The following NAV1 variants were observed in gnomAD, a reference collection of about 807,000 sequenced individuals.
The protein encoded by NAV1 is neuron navigator 1, also known as pore membrane and/or filament interacting like protein 3.
NAV1 carries 18 observed loss-of-function variants against 175.2 expected under a neutral mutation model. That is an observed-to-expected ratio of 0.10 (90% CI 0.07 to 0.15). The LOEUF is 0.15. Ranked by LOEUF, NAV1 falls within the 10% of genes least tolerant of loss-of-function variation. The probability of loss-of-function intolerance (pLI) is 1.00; values close to 1 mark genes in which losing one functional copy is unlikely to be tolerated. For synonymous variants in NAV1, 897 were observed against 978.7 expected (o/e 0.92, Z 1.56); for missense variants, 1,731 against 2,436.6 (o/e 0.71, Z 6.10).
intron 2 of NAV1, among the ~76,000 whole-genome samples, chr1:201,609,148 G>A (rs1044500480): frequency 3.3e-5 from 5 of 152,202 alleles, no homozygotes; most frequent in Non-Finnish European, 7.3e-5. Flanking sequence ...TGTGACTGCT[G>A]GGCCTGCTGC....
At chr1:201,688,828 A>G (rs1670784637) in intron 1 of NAV1, among the ~76,000 whole-genome samples, 1 of 152,226 alleles carries the variant, frequency 6.6e-6, no homozygotes, top group Non-Finnish European at 1.5e-5. Flanking sequence ...ATATGATAGA[A>G]TGAAATTGGC....
At chr1:201,714,282 C>T (rs994054366) in intron 2 of NAV1, among the ~76,000 whole-genome samples, 1 of 152,244 alleles carries the variant, frequency 6.6e-6, no homozygotes, top group Non-Finnish European at 1.5e-5. Flanking sequence ...TGCACTTAGT[C>T]TTAAGTAGCT....
At chr1:201,696,198 G>A (rs1671183170) in intron 1 of NAV1, among the ~76,000 whole-genome samples, 2 of 152,056 alleles carry the variant, frequency 1.3e-5, no homozygotes, top group Admixed American at 1.3e-4. Context: ...GTTGGGAGAG[G>A]ATGGGAGCAG....
intron 15 of NAV1, among the ~76,000 whole-genome samples, chr1:201,799,468 A>G (rs1273744727): frequency 6.6e-6 from 1 of 152,220 alleles, no homozygotes; most frequent in African/African-American, 2.4e-5. Flanking sequence ...ATTTATAAAT[A>G]GATAATAAAT....
At chr1:201,811,431 C>T (rs890463273) in intron 24 of NAV1, among the ~76,000 whole-genome samples, 172 bp from the exon 29 acceptor site, 1 of 152,072 alleles carries the variant, frequency 6.6e-6, no homozygotes, top group Non-Finnish European at 1.5e-5. Context: ...TGCTTTAGAG[C>T]CTTTGCAACC....
At chr1:201,767,626 C>T (rs1301077283) in intron 3 of NAV1, among the ~76,000 whole-genome samples, 2 of 152,130 alleles carry the variant, frequency 1.3e-5, no homozygotes, top group Non-Finnish European at 2.9e-5. Flanking sequence ...CTCCACATCT[C>T]AATTGGGACT....
At chr1:201,559,590 T>G (rs1390473471) in intron 1 of NAV1, among the ~76,000 whole-genome samples, 1 of 151,682 alleles carries the variant, frequency 6.6e-6, no homozygotes, top group Non-Finnish European at 1.5e-5. Flanking sequence ...GAAGCTGGAG[T>G]GTGAGGAAAG....
chr1:201,793,756 A>C, intron 13 of NAV1, 36 bp from the exon 18 acceptor site: 1 of 1,592,362 alleles, frequency 6.3e-7, no homozygotes, highest in East Asian at 2.2e-5. Flanking sequence ...CCCCAGCCTT[A>C]TGCAACTTAG....
intron 2 of NAV1, among the ~76,000 whole-genome samples, chr1:201,594,589 G>A (rs1220046162): frequency 1.3e-5 from 2 of 152,240 alleles, no homozygotes; most frequent in African/African-American, 4.8e-5. Flanking sequence ...TACTCTAAAA[G>A]GATGGGGAGA....
At chr1:201,758,604 A>G (rs1160143976) in intron 3 of NAV1, among the ~76,000 whole-genome samples, 1 of 152,208 alleles carries the variant, frequency 6.6e-6, no homozygotes, top group East Asian at 1.9e-4. Context: ...GACGGAGCAG[A>G]CACAAATTAA....
chr1:201,819,753 G>C, intron 29 of NAV1, 84 bp from the exon 34 acceptor site: 1 of 1,248,050 alleles, frequency 8.0e-7, no homozygotes, highest in Non-Finnish European at 1.2e-6. Flanking sequence ...CCAAAGTGTT[G>C]GGATTTTGTT....
chr1:201,684,296 A>G (rs1196895106), intron 1 of NAV1, among the ~76,000 whole-genome samples: 2 of 152,072 alleles, frequency 1.3e-5, no homozygotes, highest in East Asian at 3.9e-4. Context: ...TGGTGCATAG[A>G]CCTAGGAATA....
chr1:201,765,255 C>T (rs1352318629), intron 3 of NAV1, among the ~76,000 whole-genome samples: 4 of 151,960 alleles, frequency 2.6e-5, no homozygotes, highest in Admixed American at 2.0e-4. Flanking sequence ...GTCACTATAA[C>T]TGAGTGACTT....
chr1:201,812,342 T>C lies in NAV1; in HGVS notation c.5025-123T>C. ...GAGTTCCGATGTCCCCACTATTACT[T>C]GAAAAGAAACCAAGTAGGCATTAGT... On this transcript the variant is annotated intron_variant, in intron 26 of 29. Transcript: ENST00000367296. The surrounding 1 kb of genome is among the most constrained non-coding windows in gnomAD (Gnocchi z 4.6). The C allele has an allele frequency of 1.0e-6, 1 of 989,844 alleles. No homozygotes were observed. The highest frequency in any genetic ancestry group is 1.5e-6 in the Non-Finnish European group (1 of 664,536). 61.3% of individuals were successfully genotyped at this position (989,844 alleles called of 1,614,324 possible). A position where few individuals can be genotyped will look rare whatever the true frequency, so the allele number is the denominator to read the frequency against.
rs1183997625 is a variant in NAV1 at position 201,780,278 on chromosome 1, C to T, written c.1227-143C>T. On this transcript the variant is annotated intron_variant, in intron 3 of 29. Coordinates refer to ENST00000367296, the Ensembl canonical transcript of NAV1. ...TTTAAGTCACACTTTGAGTTGCTGA[C>T]AAACCTAGGACAAACCCCCAGGTTT... is the stretch of plus-strand genomic sequence containing the variant. The T allele has an allele frequency of 1.3e-5, 11 of 828,906 alleles. No homozygotes were observed. In the East Asian group the frequency reaches 2.4e-4, roughly 18 times the overall value. 51.3% of individuals were successfully genotyped at this position (828,906 alleles called of 1,614,324 possible).
At position 201,808,896 on chromosome 1, in the gene NAV1, T is replaced by C. The variant is rs773590645; in HGVS notation, c.4207+25T>C. The C allele has an allele frequency of 1.9e-6, 3 of 1,600,468 alleles. No homozygotes were observed. The highest frequency in any genetic ancestry group is 2.2e-5 in the East Asian group (1 of 44,720). On this transcript the variant is annotated intron_variant, in intron 20 of 29. Transcript: ENST00000367296. The surrounding 1 kb of genome is among the most constrained non-coding windows in gnomAD (Gnocchi z 5.5). The stretch of plus-strand genomic sequence containing the variant: ...GGTACCTGTGTGGGAGAAGAATCTA[T>C]AAGGGTGAAGGGAAGAAAAGGGCTT...
chr1:201,736,812 C>T (rs1162938279), intron 3 of NAV1, among the ~76,000 whole-genome samples: 1 of 152,094 alleles, frequency 6.6e-6, no homozygotes, highest in Non-Finnish European at 1.5e-5. Flanking sequence ...ATAGACAGGC[C>T]TTTTTCCTCT....
In NAV1 at chr1:201,811,743, C is replaced by A; in HGVS notation, c.4938C>A (p.Cys1646Ter). 6.2e-7 allele frequency: 1 copy of A among 1,606,018 alleles called. No individual in the cohort carries two copies. The highest frequency in any genetic ancestry group is 8.5e-7 in the Non-Finnish European group (1 of 1,176,124). The change falls in exon 25 of 30, where the codon TGC becomes TGA. Residue 1646 changes from cysteine (C) to a stop codon, truncating the protein, a stop_gained. Coordinates refer to ENST00000367296, the Ensembl canonical transcript of NAV1. LOFTEE classifies it high-confidence loss of function. ...AGTTGGTCAATGGGGCCCTCACCTG[C>A]AAGTATCATAAATGGTAAGTAAGCT...
intron 3 of NAV1, among the ~76,000 whole-genome samples, chr1:201,748,759 A>C (rs1290924853): frequency 6.6e-6 from 1 of 152,148 alleles, no homozygotes; most frequent in Non-Finnish European, 1.5e-5. Context: ...CCCCTAAAGA[A>C]GTTGGGACCC....
Sources: gnomAD v4.1 joint callset for allele counts (sites outside exome capture counted in the v4.1 genomes callset) on GRCh38, gnomAD v4.1.1 for gene constraint, Gnocchi (gnomAD v3.1) non-coding constraint, MANE v1.5 for transcripts, NCBI Gene and HGNC (gene_info 2026-07-23, HGNC 2026-07-21) for gene names.